AHCYL2: variants seen among roughly 807,000 people sequenced by gnomAD.
The protein encoded by AHCYL2 is S-adenosylhomocysteine hydrolase-like protein 2.
Under a neutral mutation model 81.4 loss-of-function variants are expected in AHCYL2, and 28 were observed. The observed-to-expected ratio is 0.34, with a 90% confidence interval of 0.25 to 0.47. AHCYL2 has a LOEUF of 0.47. Ranked by LOEUF, AHCYL2 falls within the 20% of genes least tolerant of loss-of-function variation. The probability of loss-of-function intolerance (pLI) is 1.00; values close to 1 mark genes in which losing one functional copy is unlikely to be tolerated. For synonymous variants in AHCYL2, 272 were observed against 290.2 expected (o/e 0.94, Z 0.64); for missense variants, 551 against 785.1 (o/e 0.70, Z 3.56).
intron 1 of AHCYL2, among the ~76,000 whole-genome samples, chr7:129,281,639 T>A (rs1299116634): frequency 6.6e-6 from 1 of 151,718 alleles, no homozygotes; most frequent in Non-Finnish European, 1.5e-5. Context: ...TGGGACTACA[T>A]GCCTGGCACC....
chr7:129,422,906 C>T lies in AHCYL2; in HGVS notation c.1528C>T (p.Pro510Ser), dbSNP rs753072494. 4 of 1,614,086 alleles carry T rather than the reference C, an allele frequency of 2.5e-6. No homozygotes were observed. Among genetic ancestry groups the T allele is most frequent in the Non-Finnish European group, 3.4e-6 (4 of 1,180,016 alleles). Residue 510 changes from proline (P) to serine (S), a missense_variant, in exon 13 of 17, where the codon CCT becomes TCT. By Grantham distance (74) the Pro-to-Ser change is moderately conservative (BLOSUM62 -1). Around this residue, in one of 2 missense-constraint regions of AHCYL2, gnomAD observed 316 missense variants for 543.1 expected, o/e 0.58. Coordinates refer to ENST00000325006, the MANE Select transcript of AHCYL2 (RefSeq NM_015328.4). ...VRSQVDHVIWPDGKRIVLLAE... is the reference protein window; with the variant it reads ...VRSQVDHVIWSDGKRIVLLAE... ...ATCTCAAGTTGACCATGTGATATGG[C>T]CTGATGGCAAGAGGATAGTACTGCT... is the stretch of plus-strand genomic sequence containing the variant.
intron 3 of AHCYL2, among the ~76,000 whole-genome samples, 181 bp downstream of exon 3, chr7:129,389,380 G>A (rs1457176805): frequency 8.0e-5 from 8 of 100,576 alleles, no homozygotes; most frequent in African/African-American, 3.4e-4. Flanking sequence ...AAGGAACCCT[G>A]TATTAAAAAA....
rs890891405 is a variant in AHCYL2 at position 129,426,852 on chromosome 7, T to C, written c.1830-187T>C. On this transcript the variant is annotated intron_variant, in intron 16 of 16. Transcript: ENST00000325006. The surrounding 1 kb of genome is among the most constrained non-coding windows in gnomAD (Gnocchi z 4.3). ...TCCCCATTTCATCTTGTTGCTATGA[T>C]TTTTATCTCTTTATGGAGAAATATT... Among the ~76,000 whole-genome samples, 1 of 152,056 alleles carries C rather than the reference T, an allele frequency of 6.6e-6. No homozygotes were observed. Among genetic ancestry groups the C allele is most frequent in the African/African-American group, 2.4e-5 (1 of 41,412 alleles).
intron 1 of AHCYL2, among the ~76,000 whole-genome samples, chr7:129,259,602 C>T (rs1252209647): frequency 6.6e-6 from 1 of 152,124 alleles, no homozygotes; most frequent in Admixed American, 6.5e-5. Flanking sequence ...GGCTTGTAAG[C>T]GAGAAGCTTA....
chr7:129,422,647 T>A lies in AHCYL2; in HGVS notation c.1462-193T>A, dbSNP rs533846400. ...TGTTGTGGAATGACATCCTGAGTGA[T>A]CCCTCCCTGGCTGGGCCTCAGATTA... On this transcript the variant is annotated intron_variant, in intron 12 of 16. Coordinates refer to ENST00000325006, the MANE Select transcript of AHCYL2 (RefSeq NM_015328.4). Among the ~76,000 whole-genome samples, 6 of 152,238 alleles carry A rather than the reference T, an allele frequency of 3.9e-5. No individual in the cohort carries two copies. The East Asian group carries it at 1.2e-3, about 29-fold the overall frequency.
At position 129,371,087 on chromosome 7, in the gene AHCYL2, CTT is replaced by C. The variant is rs369914153; in HGVS notation, c.364-8548_364-8547del. The stretch of plus-strand genomic sequence containing the variant: ...CCTTACTTGTAAAATGTTAAAGTGT[CTT>C]TTAATCCCCAAGAAAAAAACCGTTG... On this transcript the variant is annotated intron_variant, in intron 1 of 16. Transcript: ENST00000325006. Among the ~76,000 whole-genome samples the C allele has an allele frequency of 4.6e-5, 7 of 152,282 alleles. No homozygotes were observed. The South Asian group carries it at 1.2e-3, about 27-fold the overall frequency.
At chr7:129,400,635 T>G (rs1795988190) in intron 6 of AHCYL2, among the ~76,000 whole-genome samples, 1 of 152,152 alleles carries the variant, frequency 6.6e-6, no homozygotes, top group Non-Finnish European at 1.5e-5. Flanking sequence ...TTAGAAACAT[T>G]AAAGCACTGC....
At chr7:129,253,600 GTT>G (rs1795313134) in intron 1 of AHCYL2, among the ~76,000 whole-genome samples, 1 of 152,118 alleles carries the variant, frequency 6.6e-6, no homozygotes, top group Non-Finnish European at 1.5e-5. Flanking sequence ...GAGTTATAAG[GTT>G]GTAATTAAGA....
intron 1 of AHCYL2, among the ~76,000 whole-genome samples, chr7:129,244,934 C>T (rs1794993118): frequency 6.6e-6 from 1 of 151,970 alleles, no homozygotes; most frequent in Non-Finnish European, 1.5e-5. Flanking sequence ...CTAATGTATT[C>T]CTTATTTTAA....
chr7:129,379,872 G>A, intron 2 of AHCYL2, 123 bp downstream of exon 2: 2 of 688,516 alleles, frequency 2.9e-6, no homozygotes, highest in Non-Finnish European at 4.5e-6. Context: ...AATACTTCGA[G>A]TCAAAATTTA....
chr7:129,368,269 G>A lies in AHCYL2; in HGVS notation c.364-11369G>A. ...TGCATCAGCTCTGATTTTGAAATCA[G>A]ACACAGAAGGCTTTGAAGCCGGCCA... On this transcript the variant is annotated intron_variant, in intron 1 of 16. Coordinates refer to ENST00000325006, the MANE Select transcript of AHCYL2 (RefSeq NM_015328.4). The surrounding 1 kb of genome is among the most constrained non-coding windows in gnomAD (Gnocchi z 4.4). 3 of 1,405,640 alleles carry A rather than the reference G, an allele frequency of 2.1e-6. No individual in the cohort carries two copies. Among genetic ancestry groups the A allele is most frequent in the Non-Finnish European group, 2.8e-6 (3 of 1,081,380 alleles). 87.1% of individuals were successfully genotyped at this position (1,405,640 alleles called of 1,614,324 possible).
Position 129,300,874 on chromosome 7 carries a change from G to A in AHCYL2, c.363+75435G>A, listed in dbSNP as rs748841429. On this transcript the variant is annotated intron_variant, in intron 1 of 16. Transcript: ENST00000325006. ...TTTTGAGATGGAGTCTCACTCTGTCGCCCAGGCTGGAGCGCAGTGGCACAA... is the reference window on the plus strand; with the variant it reads ...TTTTGAGATGGAGTCTCACTCTGTCACCCAGGCTGGAGCGCAGTGGCACAA... Among the ~76,000 whole-genome samples the A allele has an allele frequency of 5.9e-5, 9 of 152,058 alleles. No homozygotes were observed. In the South Asian group the frequency reaches 6.2e-4, roughly 11 times the overall value.
At chr7:129,266,252 CA>C (rs1056672695) in intron 1 of AHCYL2, among the ~76,000 whole-genome samples, 1 of 152,072 alleles carries the variant, frequency 6.6e-6, no homozygotes, top group African/African-American at 2.4e-5. Flanking sequence ...TCTTTGGTTG[CA>C]AAACAAACCA....
At chr7:129,394,888 AT>A (rs1472046760) in intron 4 of AHCYL2, among the ~76,000 whole-genome samples, 2 of 152,232 alleles carry the variant, frequency 1.3e-5, no homozygotes, top group East Asian at 1.9e-4. Flanking sequence ...GTATAAAAAA[AT>A]ATAAATAAAT....
intron 1 of AHCYL2, among the ~76,000 whole-genome samples, chr7:129,335,557 CT>C (rs1798572159): frequency 6.6e-6 from 1 of 152,064 alleles, no homozygotes; most frequent in African/African-American, 2.4e-5. Flanking sequence ...AATGGCTCAG[CT>C]GGATAATTCT....
intron 1 of AHCYL2, among the ~76,000 whole-genome samples, chr7:129,292,960 A>G (rs985466782): frequency 2.0e-5 from 3 of 152,256 alleles, no homozygotes; most frequent in African/African-American, 7.2e-5. Flanking sequence ...ATAAAAGCAT[A>G]TTGCTTACCC....
chr7:129,283,282 G>A, intron 1 of AHCYL2: 1 of 446,026 alleles, frequency 2.2e-6, no homozygotes, highest in South Asian at 1.6e-5. Context: ...TCTCAAGGCA[G>A]TAAGCAGAAG....
Position 129,406,042 on chromosome 7 carries a change from TAG to T in AHCYL2, c.1206+145_1206+146del. 2.5e-6 allele frequency: 2 copies of T among 791,930 alleles called. No individual in the cohort carries two copies. Among genetic ancestry groups the T allele is most frequent in the Non-Finnish European group, 4.0e-6 (2 of 503,306 alleles). The allele number at this position is 791,930 out of a possible 1,614,324, so 49.1% of individuals were successfully genotyped here. ...AATTTCAGAGGCCTTCTGGTTGAAG[TAG>T]ACTTTCTTTTTCCCTTTGCGTTGCC... On this transcript the variant is annotated intron_variant, in intron 9 of 16. Coordinates refer to ENST00000325006, the MANE Select transcript of AHCYL2 (RefSeq NM_015328.4). This position sits in a 1 kb window ranked among gnomAD's most constrained non-coding sequence, Gnocchi z 4.3.
intron 1 of AHCYL2, among the ~76,000 whole-genome samples, chr7:129,309,444 G>A (rs1343539671): frequency 6.6e-6 from 1 of 150,834 alleles, no homozygotes. Context: ...GGAGGTTAAG[G>A]TGAGAGGATC....
Sources: allele counts gnomAD v4.1 joint callset (sites outside exome capture counted in the v4.1 genomes callset), GRCh38; gene constraint gnomAD v4.1.1; regional missense constraint gnomAD v4.1.1; non-coding constraint Gnocchi (gnomAD v3.1); transcripts MANE v1.5; gene names NCBI Gene and HGNC (gene_info 2026-07-23, HGNC 2026-07-21).